The following SORCS2 variants were observed in gnomAD, a reference collection of about 807,000 sequenced individuals.
The protein encoded by SORCS2 is VPS10 domain-containing receptor SorCS2.
In SORCS2, 100 loss-of-function variants were observed where a neutral mutation model predicts 141.6. That is an observed-to-expected ratio of 0.71 (90% CI 0.60 to 0.83). The LOEUF is 0.83. Ranked by LOEUF, SORCS2 falls within the 40% of genes least tolerant of loss-of-function variation. The pLI is 0.00. For synonymous variants in SORCS2, 789 were observed against 676.9 expected (o/e 1.17, Z -2.57); for missense variants, 1,646 against 1,560.2 (o/e 1.05, Z -0.93).
intron 1 of SORCS2, among the ~76,000 whole-genome samples, chr4:7,224,080 T>C (rs1728866011): frequency 6.6e-6 from 1 of 152,112 alleles, no homozygotes; most frequent in Admixed American, 6.5e-5. Flanking sequence ...GGGAAGGCTG[T>C]GTGGCCTGGC....
In SORCS2 at chr4:7,571,795, C is replaced by T. The variant is rs1715415094; in HGVS notation, c.648+40166C>T. ...ATTATGGACGTCATTCAGTGTTAAT[C>T]ATGGTGATTATCATCAGCGATGAAA... On this transcript the variant is annotated intron_variant, in intron 3 of 26. Coordinates refer to ENST00000507866, the MANE Select transcript of SORCS2 (RefSeq NM_020777.3). 2.6e-5 allele frequency among the ~76,000 whole-genome samples: 4 copies of T among 152,224 alleles called. No homozygotes were observed. In the South Asian group the frequency reaches 8.3e-4, roughly 32 times the overall value.
chr4:7,566,047 CGATGGTGATGATGAT>C (rs1412756969), intron 3 of SORCS2, among the ~76,000 whole-genome samples: 4 of 123,382 alleles, frequency 3.2e-5, no homozygotes, highest in Non-Finnish European at 6.7e-5. Flanking sequence ...GTGATGATGG[CGATGGTGATGATGAT>C]GATGGTGATG....
Position 7,633,857 on chromosome 4 carries a change from C to A in SORCS2, c.649-4471C>A, listed in dbSNP as rs1329134946. Among the ~76,000 whole-genome samples, 6 of 62,180 alleles carry A rather than the reference C, an allele frequency of 9.6e-5. 1 individual carries two copies. Among genetic ancestry groups the A allele is most frequent in the Non-Finnish European group, 2.8e-4 (6 of 21,366 alleles). The allele number at this position is 62,180 out of a possible 152,430, so 40.8% of individuals were successfully genotyped here. A position where few individuals can be genotyped will look rare whatever the true frequency, so the allele number is the denominator to read the frequency against. On this transcript the variant is annotated intron_variant, in intron 3 of 26. Transcript: ENST00000507866. Reference sequence around the variant, plus strand: ...TTTTGCTCGAGGTACAAAAATGGCACATGGGCCAGTGAGGATGGTGGACAC... The same window carrying A: ...TTTTGCTCGAGGTACAAAAATGGCAAATGGGCCAGTGAGGATGGTGGACAC...
At chr4:7,427,744 G>T (rs1726550651) in intron 2 of SORCS2, among the ~76,000 whole-genome samples, 1 of 151,996 alleles carries the variant, frequency 6.6e-6, no homozygotes, top group Admixed American at 6.6e-5. Context: ...GAGAGTGGGA[G>T]GCAGATCTCA....
chr4:7,460,949 A>C (rs914773216), intron 2 of SORCS2, among the ~76,000 whole-genome samples: 2 of 148,300 alleles, frequency 1.3e-5, no homozygotes, highest in Non-Finnish European at 3.0e-5. Context: ...GTTTCCATCG[A>C]GGATTTCATT....
chr4:7,370,002 C>T (rs1722146930), intron 1 of SORCS2, among the ~76,000 whole-genome samples: 1 of 152,216 alleles, frequency 6.6e-6, no homozygotes, highest in African/African-American at 2.4e-5. Flanking sequence ...CAGTTTCCTC[C>T]TCGATAAAAT....
intron 2 of SORCS2, among the ~76,000 whole-genome samples, chr4:7,517,683 A>AT (rs1733076611): frequency 6.6e-6 from 1 of 152,206 alleles, no homozygotes; most frequent in Non-Finnish European, 1.5e-5. Flanking sequence ...CTAAGAAGAC[A>AT]TTTTTTAAAA....
At position 7,201,374 on chromosome 4, in the gene SORCS2, G is replaced by A. The variant is rs1242818006; in HGVS notation, c.480+8248G>A. On this transcript the variant is annotated intron_variant, in intron 1 of 26. Transcript: ENST00000507866. The surrounding 1 kb of genome is among the most constrained non-coding windows in gnomAD (Gnocchi z 4.4). ...ATCCACTTTTACTTTAATAAAGGGC[G>A]ATTTAATTTGTAGTTGCGTGAAGGT... Among the ~76,000 whole-genome samples the A allele has an allele frequency of 3.9e-5, 6 of 152,332 alleles. No individual in the cohort carries two copies. The highest frequency in any genetic ancestry group is 1.4e-4 in the African/African-American group (6 of 41,570).
intron 2 of SORCS2, among the ~76,000 whole-genome samples, chr4:7,485,953 C>T (rs1318582419): frequency 3.3e-5 from 5 of 152,172 alleles, no homozygotes; most frequent in East Asian, 1.9e-4. Flanking sequence ...CTAAACCCAG[C>T]GGGCTGGGGG....
chr4:7,602,554 G>T (rs1162166289), intron 3 of SORCS2, among the ~76,000 whole-genome samples: 1 of 151,138 alleles, frequency 6.6e-6, no homozygotes, highest in Non-Finnish European at 1.5e-5. Flanking sequence ...TTCCTAGATG[G>T]GATGGCGGCG....
At chr4:7,508,641 GA>G (rs1187632078) in intron 2 of SORCS2, among the ~76,000 whole-genome samples, 2 of 152,094 alleles carry the variant, frequency 1.3e-5, no homozygotes, top group African/African-American at 4.8e-5. Context: ...CCTGGACTCA[GA>G]CTCTTTATAC....
chr4:7,708,608 C>T (rs1437741223), intron 14 of SORCS2, among the ~76,000 whole-genome samples: 1 of 152,230 alleles, frequency 6.6e-6, no homozygotes, highest in Non-Finnish European at 1.5e-5. Flanking sequence ...CTTCCCCTTC[C>T]TGGACCCTCT....
At chr4:7,288,623 G>T (rs1716395822) in intron 1 of SORCS2, among the ~76,000 whole-genome samples, 2 of 151,098 alleles carry the variant, frequency 1.3e-5, no homozygotes, top group South Asian at 4.2e-4. Context: ...GGAGAGAAGA[G>T]AGAGAGAGAG....
At position 7,411,301 on chromosome 4, in the gene SORCS2, C is replaced by T. The variant is rs369697124; in HGVS notation, c.548+14946C>T. On this transcript the variant is annotated intron_variant, in intron 2 of 26. Coordinates refer to ENST00000507866, the MANE Select transcript of SORCS2 (RefSeq NM_020777.3). ...ATACCTGCCCTCCCTTGGGTCCGGGCTCCAGGGACCCCTCTGTCACTGCTT... is the reference window on the plus strand; with the variant it reads ...ATACCTGCCCTCCCTTGGGTCCGGGTTCCAGGGACCCCTCTGTCACTGCTT... 1.6e-4 allele frequency among the ~76,000 whole-genome samples: 24 copies of T among 152,040 alleles called. No individual in the cohort carries two copies. The South Asian group carries it at 4.8e-3, about 30-fold the overall frequency.
intron 1 of SORCS2, among the ~76,000 whole-genome samples, chr4:7,352,140 G>A (rs1319189869): frequency 1.3e-5 from 2 of 152,210 alleles, no homozygotes; most frequent in African/African-American, 4.8e-5. Flanking sequence ...AAGCCTCTGT[G>A]TATCCATCTT....
intron 1 of SORCS2, among the ~76,000 whole-genome samples, chr4:7,209,477 C>T (rs1332885744): frequency 6.6e-6 from 1 of 152,128 alleles, no homozygotes; most frequent in East Asian, 1.9e-4. Flanking sequence ...ACCAGCATCC[C>T]CTTCCGGAAA....
chr4:7,338,476 C>A (rs1031309176), intron 1 of SORCS2, among the ~76,000 whole-genome samples: 1 of 151,958 alleles, frequency 6.6e-6, no homozygotes, highest in African/African-American at 2.4e-5. Flanking sequence ...TACCCACCGC[C>A]GAACAGAGCC....
At chr4:7,501,912 C>T (rs1731998571) in intron 2 of SORCS2, among the ~76,000 whole-genome samples, 3 of 152,224 alleles carry the variant, frequency 2.0e-5, no homozygotes, top group Non-Finnish European at 4.4e-5. Flanking sequence ...GCTCCCACAA[C>T]GAGCACAGCT....
At chr4:7,633,025 G>A (rs553057203) in intron 3 of SORCS2, among the ~76,000 whole-genome samples, 1 of 152,304 alleles carries the variant, frequency 6.6e-6, no homozygotes, top group Non-Finnish European at 1.5e-5. Context: ...TAAATGAGAA[G>A]CATTTAGGTT....
Sources: gnomAD v4.1 joint callset for allele counts (sites outside exome capture counted in the v4.1 genomes callset) on GRCh38, gnomAD v4.1.1 for gene constraint, Gnocchi (gnomAD v3.1) non-coding constraint, MANE v1.5 for transcripts, NCBI Gene and HGNC (gene_info 2026-07-23, HGNC 2026-07-21) for gene names.